SOCS6: variants seen among roughly 807,000 people sequenced by gnomAD.
SOCS6 encodes the protein suppressor of cytokine signaling 6.
Under a neutral mutation model 27.7 loss-of-function variants are expected in SOCS6, and 5 were observed. That is an observed-to-expected ratio of 0.18 (90% CI 0.09 to 0.38). The LOEUF (loss-of-function observed/expected upper bound fraction) is 0.38, where lower values mean the gene tolerates loss of function less well. SOCS6 is among the 10% of genes least tolerant of loss of function. The pLI is 1.00. For missense variants in SOCS6, 595 were observed against 688.1 expected (o/e 0.86, Z 1.51); for synonymous variants, 271 against 260.0 (o/e 1.04, Z -0.41).
intron 1 of SOCS6, chr18:70,314,350 G>A (rs925118730): frequency 2.4e-5 from 2 of 82,976 alleles, no homozygotes; most frequent in South Asian, 5.7e-4. Flanking sequence ...TTTTCCCCCT[G>A]ATACAGTCAT....
At chr18:70,290,772 C>G (rs574556473) in intron 1 of SOCS6, among the ~76,000 whole-genome samples, 2 of 151,550 alleles carry the variant, frequency 1.3e-5, no homozygotes, top group African/African-American at 4.9e-5. Flanking sequence ...TTTTAGAACT[C>G]CATTCAGCAT....
At chr18:70,314,406 T>A (rs1026725955) in intron 1 of SOCS6, among the ~76,000 whole-genome samples, 3 of 152,202 alleles carry the variant, frequency 2.0e-5, no homozygotes, top group Admixed American at 6.5e-5. Flanking sequence ...GAGTGTGTAA[T>A]GTGGTCCTAT....
At chr18:70,308,144 G>A (rs74884449) in intron 1 of SOCS6, among the ~76,000 whole-genome samples, 2,915 of 152,186 alleles carry the variant, frequency 0.019, 84 homozygotes, top group African/African-American at 0.066. Flanking sequence ...TATTTCTGTT[G>A]TAGATATATC....
At chr18:70,318,225 A>G (rs1206907131) in intron 1 of SOCS6, among the ~76,000 whole-genome samples, 2 of 152,164 alleles carry the variant, frequency 1.3e-5, no homozygotes, top group Non-Finnish European at 2.9e-5. Flanking sequence ...GTGATTCTGC[A>G]GAAAACATTT....
At chr18:70,300,871 A>G (rs2062345412) in intron 1 of SOCS6, among the ~76,000 whole-genome samples, 2 of 152,184 alleles carry the variant, frequency 1.3e-5, no homozygotes, top group South Asian at 4.1e-4. Flanking sequence ...ATTTGGCTAT[A>G]TTTAACTTTT....
intron 1 of SOCS6, among the ~76,000 whole-genome samples, chr18:70,305,214 A>G (rs75579250): frequency 4.1e-5 from 6 of 146,630 alleles, no homozygotes; most frequent in Non-Finnish European, 9.0e-5. Context: ...TCTCAAAAAG[A>G]AAAAAAAAAA....
At chr18:70,314,718 T>TA (rs1357450869) in intron 1 of SOCS6, among the ~76,000 whole-genome samples, 2 of 152,204 alleles carry the variant, frequency 1.3e-5, no homozygotes, top group African/African-American at 4.8e-5. Context: ...TTCATAAGGA[T>TA]AATTTTGTCC....
chr18:70,295,895 G>T (rs990957209), intron 1 of SOCS6, among the ~76,000 whole-genome samples: 2 of 152,192 alleles, frequency 1.3e-5, no homozygotes. Flanking sequence ...TGCTGTTGAT[G>T]CTTAAGGTTT....
At chr18:70,293,039 C>A (rs2062306802) in intron 1 of SOCS6, among the ~76,000 whole-genome samples, 1 of 151,894 alleles carries the variant, frequency 6.6e-6, no homozygotes, top group Non-Finnish European at 1.5e-5. Context: ...TTCTGCTGTT[C>A]CCCCGCCACC....
At chr18:70,319,870 A>G (rs565479178) in intron 1 of SOCS6, among the ~76,000 whole-genome samples, 6 of 152,348 alleles carry the variant, frequency 3.9e-5, no homozygotes, top group Non-Finnish European at 7.3e-5. Flanking sequence ...ACTAAAAACA[A>G]CGATCGACAG....
intron 1 of SOCS6, among the ~76,000 whole-genome samples, chr18:70,320,394 T>C (rs1910940067): frequency 6.6e-6 from 1 of 152,222 alleles, no homozygotes; most frequent in African/African-American, 2.4e-5. Flanking sequence ...AAGAAAAATA[T>C]CCATAGTTAT....
chr18:70,293,736 CTT>C (rs1340498028), intron 1 of SOCS6, among the ~76,000 whole-genome samples: 1 of 151,482 alleles, frequency 6.6e-6, no homozygotes, highest in East Asian at 1.9e-4. Flanking sequence ...AAAAAAAAAA[CTT>C]AAGGTTTTGT....
At chr18:70,315,058 C>T (rs1269768908) in intron 1 of SOCS6, among the ~76,000 whole-genome samples, 3 of 152,010 alleles carry the variant, frequency 2.0e-5, no homozygotes, top group Non-Finnish European at 2.9e-5. Context: ...CCAGGATATA[C>T]CTTATCTAGT....
intron 1 of SOCS6, among the ~76,000 whole-genome samples, chr18:70,294,805 C>T (rs547695163): frequency 1.3e-5 from 2 of 152,262 alleles, no homozygotes; most frequent in African/African-American, 2.4e-5. Context: ...AAAAAGATGC[C>T]GCACTTGCCT....
chr18:70,324,105 A>G (rs2146297636), intron 1 of SOCS6, among the ~76,000 whole-genome samples: 1 of 152,258 alleles, frequency 6.6e-6, no homozygotes, highest in East Asian at 1.9e-4. Context: ...GATCGAGACC[A>G]TCCTGGCTAA....
chr18:70,325,640 G>A lies in SOCS6; in HGVS notation c.972G>A (p.Arg324=). ...LPPMQNNQIQ[R]NFSGLTGTEA... ...CAATGCAGAATAATCAAATCCAAAG[G>A]AACTTCAGTGGACTCACTGGCACAG... Residue 324 remains arginine, a synonymous_variant, in exon 2 of 2, where the codon AGG becomes AGA. Transcript: ENST00000397942. This position sits in a 1 kb window ranked among gnomAD's most constrained non-coding sequence, Gnocchi z 6.3. 1 of 1,614,172 alleles carries A rather than the reference G, an allele frequency of 6.2e-7. No homozygotes were observed. Among genetic ancestry groups the A allele is most frequent in the Non-Finnish European group, 8.5e-7 (1 of 1,180,030 alleles).
chr18:70,308,204 T>C (rs1050921035), intron 1 of SOCS6, among the ~76,000 whole-genome samples: 4 of 152,078 alleles, frequency 2.6e-5, no homozygotes, highest in Non-Finnish European at 5.9e-5. Flanking sequence ...ATAATTATAG[T>C]ATCAGTCTTT....
chr18:70,309,695 AT>A (rs1313048908), intron 1 of SOCS6, among the ~76,000 whole-genome samples: 1 of 151,614 alleles, frequency 6.6e-6, no homozygotes, highest in Non-Finnish European at 1.5e-5. Context: ...TTTTATTTTT[AT>A]TTTTGAGACA....
chr18:70,294,095 A>G (rs2146259131), intron 1 of SOCS6, among the ~76,000 whole-genome samples: 1 of 148,826 alleles, frequency 6.7e-6, no homozygotes, highest in Non-Finnish European at 1.5e-5. Context: ...CGTTTAAAAA[A>G]AAAAAAAAAG....
Sources: allele counts gnomAD v4.1 joint callset (sites outside exome capture counted in the v4.1 genomes callset), GRCh38; gene constraint gnomAD v4.1.1; non-coding constraint Gnocchi (gnomAD v3.1); transcripts MANE v1.5; gene names NCBI Gene and HGNC (gene_info 2026-07-23, HGNC 2026-07-21).